The following PPP6R3 variants were observed in gnomAD, a reference collection of about 807,000 sequenced individuals.
PPP6R3 encodes the protein protein phosphatase 6 regulatory subunit 3.
Under a neutral mutation model 110.7 loss-of-function variants are expected in PPP6R3, and 38 were observed. The observed-to-expected ratio is 0.34, with a 90% CI of 0.26 to 0.45. The LOEUF (loss-of-function observed/expected upper bound fraction) is 0.45. PPP6R3 is among the 20% of genes least tolerant of loss of function. PPP6R3 has a pLI of 1.00. For missense variants in PPP6R3, 870 were observed against 1,062.4 expected (o/e 0.82, Z 2.52); for synonymous variants, 369 against 373.5 (o/e 0.99, Z 0.14).
intron 1 of PPP6R3, among the ~76,000 whole-genome samples, chr11:68,484,999 T>G (rs1318767026): frequency 6.6e-6 from 1 of 152,244 alleles, no homozygotes; most frequent in African/African-American, 2.4e-5. Flanking sequence ...ATGACAATAT[T>G]GAACCTTCTT....
At chr11:68,465,644 G>C (rs1385209989) in intron 1 of PPP6R3, among the ~76,000 whole-genome samples, 2 of 152,196 alleles carry the variant, frequency 1.3e-5, no homozygotes, top group African/African-American at 4.8e-5. Context: ...CATTAATTGA[G>C]TCCTTACTCT....
chr11:68,494,329 TC>T (rs1211128144), intron 1 of PPP6R3, among the ~76,000 whole-genome samples: 1 of 142,884 alleles, frequency 7.0e-6, no homozygotes, highest in Non-Finnish European at 1.5e-5. Flanking sequence ...ATCGAGACCA[TC>T]CTGTCCCACA....
At chr11:68,506,258 A>G (rs1000424701) in intron 1 of PPP6R3, among the ~76,000 whole-genome samples, 1 of 150,934 alleles carries the variant, frequency 6.6e-6, no homozygotes, top group Non-Finnish European at 1.5e-5. Context: ...GGCATGCACC[A>G]CCACGCCTGG....
chr11:68,511,463 A>AGTGTGT (rs111457206), intron 1 of PPP6R3, among the ~76,000 whole-genome samples: 2,980 of 138,560 alleles, frequency 0.022, 104 homozygotes, highest in African/African-American at 0.075. Flanking sequence ...ACTGTGTTAG[A>AGTGTGT]GTGTGTGTGT....
chr11:68,597,083 T>A (rs1304753781), intron 19 of PPP6R3, among the ~76,000 whole-genome samples: 1 of 152,228 alleles, frequency 6.6e-6, no homozygotes, highest in Non-Finnish European at 1.5e-5. Flanking sequence ...TCAGTTTCAG[T>A]CAACATGCCT....
intron 15 of PPP6R3, chr11:68,587,567 G>T (rs2099582726): frequency 3.6e-6 from 1 of 274,728 alleles, no homozygotes; most frequent in Non-Finnish European, 7.1e-6. Flanking sequence ...AAAGTTGGTT[G>T]TGTCCAGAGG....
At chr11:68,574,040 G>A (rs1037977141) in intron 12 of PPP6R3, 69 bp from the exon 13 acceptor site, 4 of 1,100,338 alleles carry the variant, frequency 3.6e-6, no homozygotes, top group Admixed American at 3.5e-5. Context: ...AAAGTCCGCA[G>A]TATTTACCGA....
chr11:68,553,480 A>G (rs1425520964), intron 6 of PPP6R3, among the ~76,000 whole-genome samples: 7 of 151,734 alleles, frequency 4.6e-5, no homozygotes, highest in Admixed American at 2.0e-4. Flanking sequence ...TTTAGTAGAG[A>G]TGGGGTTTCT....
At chr11:68,584,744 C>A (rs772179669) in intron 15 of PPP6R3, among the ~76,000 whole-genome samples, 20 of 152,326 alleles carry the variant, frequency 1.3e-4, no homozygotes, top group African/African-American at 4.6e-4. Context: ...AACTAACTTA[C>A]AACAGCCCTT....
chr11:68,607,373 C>G (rs1237946459), intron 22 of PPP6R3, among the ~76,000 whole-genome samples: 1 of 152,168 alleles, frequency 6.6e-6, no homozygotes, highest in Non-Finnish European at 1.5e-5. Flanking sequence ...AGGGCTGGTT[C>G]ACCAAAAGGA....
chr11:68,486,185 C>T (rs1486031858), intron 1 of PPP6R3, among the ~76,000 whole-genome samples: 1 of 151,360 alleles, frequency 6.6e-6, no homozygotes, highest in Non-Finnish European at 1.5e-5. Flanking sequence ...TTCAGTTTTC[C>T]CATATTTTGT....
intron 2 of PPP6R3, among the ~76,000 whole-genome samples, chr11:68,535,175 A>G (rs1424715428): frequency 2.6e-5 from 4 of 152,022 alleles, no homozygotes; most frequent in African/African-American, 7.3e-5. Context: ...TGTTTCCTTC[A>G]CGGCAAATGT....
chr11:68,594,249 G>A (rs561570511), intron 18 of PPP6R3, among the ~76,000 whole-genome samples: 17 of 149,118 alleles, frequency 1.1e-4, no homozygotes, highest in East Asian at 8.0e-4. Flanking sequence ...ATAGACCCCC[G>A]TCTCTTAAAA....
At chr11:68,542,389 G>GTTTTTTTTTTTTTTTTTTTTTTTTTT (rs34666175) in intron 3 of PPP6R3, among the ~76,000 whole-genome samples, 2 of 40,206 alleles carry the variant, frequency 5.0e-5, no homozygotes, top group African/African-American at 1.0e-4. Flanking sequence ...AGAAGCTGCT[G>GTTTTTTTTTTTTTTTTTTTTTTTTTT]TTTTTTTTTT....
chr11:68,515,505 C>T lies in PPP6R3; in HGVS notation c.-157-3996C>T, dbSNP rs541241097. Among the ~76,000 whole-genome samples the T allele has an allele frequency of 3.3e-5, 5 of 152,348 alleles. No individual in the cohort carries two copies. The South Asian group carries it at 1.0e-3, about 32-fold the overall frequency. ...GAAAAGTCATACCAGCTCGGAAGAG[C>T]TTGCAAACCGATGTTCCAAAACACG... On this transcript the variant is annotated intron_variant, in intron 1 of 23. Transcript: ENST00000393800.
At chr11:68,496,182 C>CTT (rs200004744) in intron 1 of PPP6R3, among the ~76,000 whole-genome samples, 1 of 144,310 alleles carries the variant, frequency 6.9e-6, no homozygotes. Context: ...CTTTTCTTTT[C>CTT]TTTTTTTTTT....
At chr11:68,506,721 A>G (rs911097439) in intron 1 of PPP6R3, among the ~76,000 whole-genome samples, 8 of 152,148 alleles carry the variant, frequency 5.3e-5, no homozygotes, top group Non-Finnish European at 7.3e-5. Flanking sequence ...CCTGACCATC[A>G]TCTTCCCCAT....
At chr11:68,610,149 C>A in intron 23 of PPP6R3, 126 bp downstream of exon 23, 1 of 1,310,540 alleles carries the variant, frequency 7.6e-7, no homozygotes, top group African/African-American at 1.5e-5. Flanking sequence ...GCTGACCTGG[C>A]AGGACAGGGT....
chr11:68,587,081 T>C (rs2099580852), intron 15 of PPP6R3: 1 of 152,262 alleles, frequency 6.6e-6, no homozygotes, highest in South Asian at 2.1e-4. Flanking sequence ...TACTCCTGAT[T>C]AATACGTAAG....
Sources: allele counts gnomAD v4.1 joint callset (sites outside exome capture counted in the v4.1 genomes callset), GRCh38; gene constraint gnomAD v4.1.1; transcripts MANE v1.5; gene names NCBI Gene and HGNC (gene_info 2026-07-23, HGNC 2026-07-21).